The following GNG2 variants were observed in gnomAD, a reference collection of about 807,000 sequenced individuals.
GNG2 encodes the protein guanine nucleotide-binding protein G(I)/G(S)/G(O) subunit gamma-2.
A neutral mutation model predicts 5.5 loss-of-function variants in GNG2; 5 were observed. That is an observed-to-expected ratio of 0.91 (90% CI 0.48 to 1.92). GNG2 has a LOEUF of 1.92. Among genes scored for constraint, GNG2 ranks in the 30% most tolerant of loss-of-function variants. The pLI, the probability that GNG2 is intolerant of heterozygous loss-of-function variation, is 0.01. For synonymous variants in GNG2, 28 were observed against 32.0 expected, an observed-to-expected ratio of 0.88 and a Z score of 0.42; for missense variants, 55 against 88.4, an observed-to-expected ratio of 0.62 and a Z score of 1.52.
At position 51,950,582 on chromosome 14, in the gene GNG2, C is replaced by T. The variant is rs544169888; in HGVS notation, c.-29-68C>T. On this transcript the variant is annotated intron_variant, in intron 2 of 3. Coordinates refer to ENST00000556766, the MANE Select transcript of GNG2 (RefSeq NM_053064.5). ...CCACTGCTTTGAGATCCCCTAGTTA[C>T]GATGAACTTGCACATTTGCTGGCTC... 127 of 961,600 alleles carry T rather than the reference C, an allele frequency of 1.3e-4. 1 individual carries two copies. The South Asian group carries it at 1.5e-3, about 11-fold the overall frequency. 59.6% of individuals were successfully genotyped at this position (961,600 alleles called of 1,614,324 possible).
intron 2 of GNG2, among the ~76,000 whole-genome samples, chr14:51,945,341 A>T (rs1320054589): frequency 6.6e-6 from 1 of 152,210 alleles, no homozygotes; most frequent in African/African-American, 2.4e-5. Flanking sequence ...ACAATGGAAT[A>T]TTATTCAGCC....
At chr14:51,951,059 C>T (rs1488480478) in intron 3 of GNG2, among the ~76,000 whole-genome samples, 4 of 151,990 alleles carry the variant, frequency 2.6e-5, no homozygotes, top group East Asian at 3.9e-4. Context: ...AATATATCAG[C>T]GCACTAGTTC....
rs530731313 is a variant in GNG2 at position 51,837,243 on chromosome 14, A to T, written c.64+9436A>T. ...CATACCTCATTTAATATTGTTTCCC[A>T]TACCTAGATATAGGGAGAAAAAAAG... On this transcript the variant is annotated intron_variant, in intron 2 of 3. Coordinates refer to the GNG2 transcript ENST00000553432. 2.0e-4 allele frequency among the ~76,000 whole-genome samples: 30 copies of T among 152,368 alleles called. 2 individuals are homozygous for T. In the South Asian group the frequency reaches 6.2e-3, roughly 32 times the overall value.
chr14:51,962,926 T>A (rs1025699527), intron 3 of GNG2, among the ~76,000 whole-genome samples: 12 of 152,180 alleles, frequency 7.9e-5, no homozygotes, highest in Admixed American at 2.0e-4. Context: ...ACATTGAGAC[T>A]CACAACTCAG....
At chr14:51,831,722 T>C (rs12323420) in intron 2 of GNG2, among the ~76,000 whole-genome samples, 144,789 of 152,300 alleles carry the variant, frequency 0.95, 69,171 homozygotes, top group East Asian at 1. Context: ...CTAGAGAAGC[T>C]CTACTATAAC....
At chr14:51,830,405 C>T (rs183461664) in intron 2 of GNG2, among the ~76,000 whole-genome samples, 80 of 152,290 alleles carry the variant, frequency 5.3e-4, no homozygotes, top group African/African-American at 1.8e-3. Context: ...CTAGCAAAGA[C>T]TCCTCACCTG....
At chr14:51,886,044 G>A (rs1884439219) in intron 2 of GNG2, among the ~76,000 whole-genome samples, 1 of 152,258 alleles carries the variant, frequency 6.6e-6, no homozygotes, top group African/African-American at 2.4e-5. Context: ...TGCCATTTAG[G>A]CAGTTTTTAT....
At chr14:51,839,491 G>A (rs1881425941) in intron 2 of GNG2, among the ~76,000 whole-genome samples, 1 of 152,156 alleles carries the variant, frequency 6.6e-6, no homozygotes, top group African/African-American at 2.4e-5. Flanking sequence ...GGAATAGAAT[G>A]TGAGGTGGGT....
intron 2 of GNG2, among the ~76,000 whole-genome samples, chr14:51,935,021 C>CTTTTTTTTTTTTTT (rs1370410276): frequency 1.8e-5 from 2 of 111,302 alleles, no homozygotes; most frequent in African/African-American, 3.4e-5. Flanking sequence ...AGCCCAGTTT[C>CTTTTTTTTTTTTTT]TTTCTTTTTT....
At chr14:51,945,260 T>C (rs142772456) in intron 2 of GNG2, among the ~76,000 whole-genome samples, 9 of 152,292 alleles carry the variant, frequency 5.9e-5, no homozygotes, top group African/African-American at 2.2e-4. Context: ...GTAGTCATAG[T>C]AGCTAAAACA....
intron 2 of GNG2, among the ~76,000 whole-genome samples, chr14:51,897,053 A>T (rs1054548487): frequency 6.6e-6 from 1 of 152,256 alleles, no homozygotes; most frequent in Non-Finnish European, 1.5e-5. Context: ...CAGTAGAATC[A>T]TATTAGAGTA....
chr14:51,940,661 G>A (rs575608728), intron 2 of GNG2, among the ~76,000 whole-genome samples: 2 of 151,662 alleles, frequency 1.3e-5, no homozygotes, highest in African/African-American at 2.4e-5. Context: ...GATCCTCCGG[G>A]GCTTGTAAGA....
rs550572162 is a variant in GNG2, at chr14:51,880,302, T to C, written c.-30+2645T>C. Among the ~76,000 whole-genome samples the C allele has an allele frequency of 2.6e-5, 4 of 152,350 alleles. No individual in the cohort carries two copies. The South Asian group carries it at 8.3e-4, about 32-fold the overall frequency. On this transcript the variant is annotated intron_variant, in intron 2 of 3. Coordinates refer to ENST00000556766, the MANE Select transcript of GNG2 (RefSeq NM_053064.5). ...GAGGTTTTTATTTTATGCTGTTATG[T>C]CTGGCTGTTATTTTATGTATTATTT...
At chr14:51,844,808 C>T (rs1479652782) in intron 2 of GNG2, among the ~76,000 whole-genome samples, 1 of 152,146 alleles carries the variant, frequency 6.6e-6, no homozygotes, top group Non-Finnish European at 1.5e-5. Flanking sequence ...TCACTGCAAC[C>T]TCTGCCTCCC....
chr14:51,892,038 A>G (rs762629189), intron 2 of GNG2, among the ~76,000 whole-genome samples: 2 of 152,240 alleles, frequency 1.3e-5, no homozygotes, highest in Non-Finnish European at 2.9e-5. Context: ...TTAGCAGTAT[A>G]AGAGTTCCTC....
chr14:51,836,005 G>T (rs1260052672), intron 2 of GNG2, among the ~76,000 whole-genome samples: 1 of 151,578 alleles, frequency 6.6e-6, no homozygotes. Flanking sequence ...TTAAACAATA[G>T]AAATTTATTT....
At chr14:51,959,813 C>T (rs1046785422) in intron 3 of GNG2, among the ~76,000 whole-genome samples, 5 of 152,280 alleles carry the variant, frequency 3.3e-5, no homozygotes, top group South Asian at 2.1e-4. Context: ...CTCTCTCAAT[C>T]CCCTTTACCC....
chr14:51,943,309 A>G (rs1011527940), intron 2 of GNG2, among the ~76,000 whole-genome samples: 1 of 152,172 alleles, frequency 6.6e-6, no homozygotes, highest in Non-Finnish European at 1.5e-5. Flanking sequence ...CTTTGTCTAC[A>G]TGATTTTCTC....
intron 2 of GNG2, among the ~76,000 whole-genome samples, chr14:51,888,066 A>G (rs1884586239): frequency 6.6e-6 from 1 of 152,166 alleles, no homozygotes; most frequent in Non-Finnish European, 1.5e-5. Context: ...TTTTGACTGC[A>G]TACACCCATG....
Sources: allele counts gnomAD v4.1 joint callset (sites outside exome capture counted in the v4.1 genomes callset), GRCh38; gene constraint gnomAD v4.1.1; transcripts MANE v1.5; gene names NCBI Gene and HGNC (gene_info 2026-07-23, HGNC 2026-07-21).